Variants in RFX3 observed in about 807,000 individuals in gnomAD.
RFX3 encodes the protein regulatory factor X3, also known as transcription factor RFX3.
Under a neutral mutation model 98.6 loss-of-function variants are expected in RFX3, and 14 were observed. The ratio of observed to expected loss-of-function variants is 0.14; its 90% confidence interval spans 0.09 to 0.22. The LOEUF is 0.22. Among genes scored for constraint, RFX3 ranks in the 10% least tolerant of loss-of-function variants. The pLI is 1.00. For missense variants in RFX3, 639 were observed against 926.9 expected, an observed-to-expected ratio of 0.69 and a Z score of 4.03; for synonymous variants, 383 against 328.4, an observed-to-expected ratio of 1.17 and a Z score of -1.80.
chr9:3,361,592 C>T (rs902152090), intron 2 of RFX3, among the ~76,000 whole-genome samples: 5 of 135,264 alleles, frequency 3.7e-5, no homozygotes, highest in East Asian at 4.5e-4. Flanking sequence ...GAGGCTGAGG[C>T]GGGAGGACTG....
At chr9:3,286,153 A>G (rs1195659332) in intron 7 of RFX3, among the ~76,000 whole-genome samples, 2 of 151,806 alleles carry the variant, frequency 1.3e-5, no homozygotes, top group Non-Finnish European at 2.9e-5. Context: ...TGATTTCACC[A>G]TCATCTCCAC....
At position 3,374,064 on chromosome 9, in the gene RFX3, T is replaced by C. The variant is rs542306881; in HGVS notation, c.117+21408A>G. Among the ~76,000 whole-genome samples the C allele has an allele frequency of 2.0e-5, 3 of 150,168 alleles. No individual in the cohort carries two copies. The South Asian group carries it at 6.3e-4, about 32-fold the overall frequency. ...CTACACTCCAGCCTGGGCGACAGAG[T>C]GAGACTCTGTCTCACACACACACGC... On this transcript the variant is annotated intron_variant, in intron 2 of 16. Transcript: ENST00000617270.
At chr9:3,413,254 T>G (rs1842612240) in intron 1 of RFX3, among the ~76,000 whole-genome samples, 1 of 152,090 alleles carries the variant, frequency 6.6e-6, no homozygotes, top group African/African-American at 2.4e-5. Flanking sequence ...CATACTGTAA[T>G]GTATACCAAG....
At chr9:3,458,078 C>T (rs1470547730) in intron 1 of RFX3, among the ~76,000 whole-genome samples, 1 of 152,114 alleles carries the variant, frequency 6.6e-6, no homozygotes, top group Non-Finnish European at 1.5e-5. Flanking sequence ...ACAGCATGTG[C>T]AAAGCCATGG....
intron 13 of RFX3, among the ~76,000 whole-genome samples, chr9:3,260,402 G>A (rs1005874668): frequency 8.6e-5 from 13 of 151,930 alleles, no homozygotes; most frequent in African/African-American, 2.9e-4. Context: ...TATAACCAGG[G>A]AAGAACTCAT....
chr9:3,356,519 T>C (rs780196598), intron 2 of RFX3, among the ~76,000 whole-genome samples: 2 of 151,968 alleles, frequency 1.3e-5, no homozygotes, highest in African/African-American at 4.8e-5. Flanking sequence ...CAGGCCCTGA[T>C]GGTTTCACTG....
At position 3,288,118 on chromosome 9, in the gene RFX3, C is replaced by T. The variant is rs754500714; in HGVS notation, c.851+13G>A. Reference sequence around the variant, plus strand: ...CATAGCTTGGACACATCAATGATAACTTCAGAGTCTACCTTTGTTTCTGTT... The same window carrying T: ...CATAGCTTGGACACATCAATGATAATTTCAGAGTCTACCTTTGTTTCTGTT... On this transcript the variant is annotated intron_variant, in intron 7 of 16. Coordinates refer to ENST00000617270, the MANE Select transcript of RFX3 (RefSeq NM_001282116.2). 1.2e-6 allele frequency: 2 copies of T among 1,612,260 alleles called. No homozygotes were observed. Among genetic ancestry groups the T allele is most frequent in the East Asian group, 2.2e-5 (1 of 44,784 alleles).
At chr9:3,321,245 T>A (rs760794889) in intron 4 of RFX3, among the ~76,000 whole-genome samples, 6 of 152,134 alleles carry the variant, frequency 3.9e-5, no homozygotes, top group African/African-American at 1.4e-4. Flanking sequence ...ACAAATATAG[T>A]TTTTATGTAG....
intron 5 of RFX3, among the ~76,000 whole-genome samples, chr9:3,295,805 AT>A (rs925855597): frequency 1.3e-5 from 2 of 152,022 alleles, no homozygotes; most frequent in South Asian, 2.1e-4. Flanking sequence ...TTTAAAGGGC[AT>A]TTTTTTAAAG....
chr9:3,493,326 A>G (rs957577109), intron 1 of RFX3, among the ~76,000 whole-genome samples: 1 of 152,128 alleles, frequency 6.6e-6, no homozygotes, highest in Non-Finnish European at 1.5e-5. Flanking sequence ...TCTATCCTAC[A>G]CAGATGTGCC....
intron 1 of RFX3, among the ~76,000 whole-genome samples, chr9:3,492,318 G>C (rs1290187980): frequency 6.6e-6 from 1 of 152,074 alleles, no homozygotes; most frequent in Non-Finnish European, 1.5e-5. Context: ...CTGCTCATTT[G>C]ACACTCATGT....
intron 2 of RFX3, among the ~76,000 whole-genome samples, chr9:3,367,162 G>A (rs1268644215): frequency 6.6e-6 from 1 of 152,094 alleles, no homozygotes; most frequent in East Asian, 1.9e-4. Context: ...TTAAAATTGA[G>A]TAGGCCTGCT....
intron 2 of RFX3, among the ~76,000 whole-genome samples, chr9:3,378,821 G>C (rs1216502439): frequency 2.0e-5 from 3 of 151,994 alleles, no homozygotes; most frequent in Non-Finnish European, 4.4e-5. Context: ...CTCCCAAAGT[G>C]CTGGGATTAC....
chr9:3,275,471 G>A (rs745434861), intron 9 of RFX3, 29 bp downstream of exon 9: 2 of 1,261,090 alleles, frequency 1.6e-6, no homozygotes, highest in Non-Finnish European at 1.2e-6. Flanking sequence ...AACCTAGCAT[G>A]TGTTCATACT....
chr9:3,353,281 G>A (rs988440602), intron 2 of RFX3, among the ~76,000 whole-genome samples: 3 of 151,662 alleles, frequency 2.0e-5, no homozygotes, highest in Non-Finnish European at 4.4e-5. Context: ...ACACCAGCAT[G>A]GCACATGTAT....
At chr9:3,411,482 T>G (rs1842462110) in intron 1 of RFX3, among the ~76,000 whole-genome samples, 1 of 152,140 alleles carries the variant, frequency 6.6e-6, no homozygotes, top group African/African-American at 2.4e-5. Context: ...CCCAAGTAGC[T>G]GGGATTACAG....
chr9:3,263,166 C>A, intron 12 of RFX3, 82 bp from the exon 13 acceptor site: 1 of 1,472,818 alleles, frequency 6.8e-7, no homozygotes, highest in Non-Finnish European at 9.3e-7. Context: ...TCTTTCCCTT[C>A]ACAAATTTTA....
rs370941866 is a variant in RFX3, at chr9:3,434,608, T to C, written c.-8-39012A>G. On this transcript the variant is annotated intron_variant, in intron 1 of 16. Transcript: ENST00000617270. The stretch of plus-strand genomic sequence containing the variant: ...CATTCCACTTTCCTTAATAGGAACA[T>C]CCTTCCCTAATCTTTCAAGTCTAAA... 4.3e-4 allele frequency among the ~76,000 whole-genome samples: 66 copies of C among 152,176 alleles called. No individual in the cohort carries two copies. The South Asian group carries it at 0.011, about 24-fold the overall frequency.
At chr9:3,397,119 A>T (rs1214604156) in intron 1 of RFX3, among the ~76,000 whole-genome samples, 3 of 152,226 alleles carry the variant, frequency 2.0e-5, no homozygotes, top group Admixed American at 2.0e-4. Flanking sequence ...TCTCTCATTC[A>T]CAATTAAACA....
Sources: gnomAD v4.1 joint callset for allele counts (sites outside exome capture counted in the v4.1 genomes callset) on GRCh38, gnomAD v4.1.1 for gene constraint, MANE v1.5 for transcripts, NCBI Gene and HGNC (gene_info 2026-07-23, HGNC 2026-07-21) for gene names.